The following TBC1D4 variants were observed in gnomAD, a reference collection of about 807,000 sequenced individuals.
The protein encoded by TBC1D4 is TBC (Tre-2, BUB2, CDC16) domain-containing protein.
A neutral mutation model predicts 142.5 loss-of-function variants in TBC1D4; 121 were observed. That is an observed-to-expected ratio of 0.85 (90% CI 0.73 to 0.99). The LOEUF (loss-of-function observed/expected upper bound fraction) is 0.99, where lower values mean the gene tolerates loss of function less well. Among genes scored for constraint, TBC1D4 ranks in the 50% least tolerant of loss-of-function variants. The probability of loss-of-function intolerance (pLI) is 0.00; values close to 1 mark genes in which losing one functional copy is unlikely to be tolerated. For synonymous variants in TBC1D4, 630 were observed against 628.2 expected, an observed-to-expected ratio of 1.00 and a Z score of -0.04; for missense variants, 1,475 against 1,606.6, an observed-to-expected ratio of 0.92 and a Z score of 1.40.
Position 75,334,273 on chromosome 13 carries a change from G to A in TBC1D4, c.1731+2648C>T, listed in dbSNP as rs569887043. Among the ~76,000 whole-genome samples the A allele has an allele frequency of 6.2e-4, 94 of 151,852 alleles. No homozygotes were observed. The South Asian group carries it at 0.019, about 30-fold the overall frequency. ...CAAGGTTTTTATGTCTTTATGACAC[G>A]TCACCATTTTTCTTTGAATATTTTC... On this transcript the variant is annotated intron_variant, in intron 8 of 20. Coordinates refer to ENST00000377636, the MANE Select transcript of TBC1D4 (RefSeq NM_014832.5).
intron 1 of TBC1D4, among the ~76,000 whole-genome samples, chr13:75,391,384 A>G (rs974130304): frequency 1.3e-5 from 2 of 152,072 alleles, no homozygotes; most frequent in African/African-American, 4.8e-5. Context: ...AACCCATATA[A>G]CATCAGGCAA....
chr13:75,364,375 T>C (rs191485226), intron 1 of TBC1D4, among the ~76,000 whole-genome samples: 190 of 152,342 alleles, frequency 1.2e-3, no homozygotes, highest in African/African-American at 4.3e-3. Flanking sequence ...TGTAATTATT[T>C]GGGATATACT....
intron 15 of TBC1D4, among the ~76,000 whole-genome samples, chr13:75,305,996 C>T (rs1007209390): frequency 6.6e-6 from 1 of 152,108 alleles, no homozygotes; most frequent in Non-Finnish European, 1.5e-5. Context: ...ATGAATACTT[C>T]TGACCAAATG....
intron 1 of TBC1D4, among the ~76,000 whole-genome samples, chr13:75,435,376 T>A (rs938163921): frequency 1.3e-5 from 2 of 149,786 alleles, no homozygotes; most frequent in Non-Finnish European, 1.5e-5. Context: ...AACTTTGATA[T>A]AAGTGACATA....
chr13:75,305,845 T>G (rs143100352), intron 15 of TBC1D4, among the ~76,000 whole-genome samples: 1 of 152,242 alleles, frequency 6.6e-6, no homozygotes, highest in African/African-American at 2.4e-5. Flanking sequence ...AATGGCTAAA[T>G]AAAAGCAACT....
At chr13:75,349,397 A>G in intron 4 of TBC1D4, 95 bp from the exon 5 acceptor site, 1 of 1,489,444 alleles carries the variant, frequency 6.7e-7, no homozygotes, top group Non-Finnish European at 9.1e-7. Flanking sequence ...GATGCTGACT[A>G]AATAAAAATA....
rs180878606 is a variant in TBC1D4, at chr13:75,325,455, A to G, written c.2033+742T>C. The stretch of plus-strand genomic sequence containing the variant: ...CCAACGAGCATCTTTACTTAACCCT[A>G]TTTTCCGTAACAAATTCATAGGTAA... On this transcript the variant is annotated intron_variant, in intron 10 of 20. Transcript: ENST00000377636. 1.1e-3 allele frequency among the ~76,000 whole-genome samples: 159 copies of G among 151,200 alleles called. 3 individuals are homozygous for G. Among genetic ancestry groups the G allele is most frequent in the African/African-American group, 3.8e-3 (155 of 41,242 alleles).
intron 8 of TBC1D4, among the ~76,000 whole-genome samples, chr13:75,330,629 C>A (rs1253801453): frequency 6.6e-6 from 1 of 152,198 alleles, no homozygotes; most frequent in African/African-American, 2.4e-5. Flanking sequence ...ACAGGAAGCA[C>A]AATTGTAAAG....
In TBC1D4 at chr13:75,286,772, C is replaced by G; in HGVS notation, c.*20G>C. 3 of 1,610,096 alleles carry G rather than the reference C, an allele frequency of 1.9e-6. No homozygotes were observed. The highest frequency in any genetic ancestry group is 2.5e-6 in the Non-Finnish European group (3 of 1,177,458). On this transcript the variant is annotated 3_prime_UTR_variant, in exon 21 of 21. Coordinates refer to ENST00000377636, the MANE Select transcript of TBC1D4 (RefSeq NM_014832.5). ...GTAGTATTCTAAGGAGCACTTTCTG[C>G]TGAGGCCGTGCCTCTTCAATTATGG... is the stretch of plus-strand genomic sequence containing the variant.
At chr13:75,460,984 C>T (rs998879728) in intron 1 of TBC1D4, among the ~76,000 whole-genome samples, 3 of 152,132 alleles carry the variant, frequency 2.0e-5, no homozygotes, top group Non-Finnish European at 4.4e-5. Flanking sequence ...CAAGTTTATT[C>T]CTTCAATGAC....
chr13:75,326,521 C>T lies in TBC1D4; in HGVS notation c.1807-98G>A, dbSNP rs987858874. The stretch of plus-strand genomic sequence containing the variant: ...AAAAGTGACAGTGTGCCTCATCTTC[C>T]TCCTGAGTCATGACAAAACTGTTTT... On this transcript the variant is annotated intron_variant, in intron 9 of 20. Coordinates refer to ENST00000377636, the MANE Select transcript of TBC1D4 (RefSeq NM_014832.5). 3.9e-6 allele frequency: 5 copies of T among 1,277,208 alleles called. No homozygotes were observed. In the African/African-American group the frequency reaches 5.9e-5, roughly 15 times the overall value. 79.1% of individuals were successfully genotyped at this position (1,277,208 alleles called of 1,614,324 possible).
At chr13:75,470,134 T>C (rs1888338609) in intron 1 of TBC1D4, among the ~76,000 whole-genome samples, 2 of 152,334 alleles carry the variant, frequency 1.3e-5, no homozygotes, top group South Asian at 4.1e-4. Context: ...TATTATTTTT[T>C]ACAAGATTGT....
chr13:75,477,399 A>C (rs1888666413), intron 1 of TBC1D4, among the ~76,000 whole-genome samples: 1 of 152,184 alleles, frequency 6.6e-6, no homozygotes, highest in Non-Finnish European at 1.5e-5. Flanking sequence ...TTAAGAACAC[A>C]ATTTGTAAAG....
chr13:75,393,469 C>T (rs775582292), intron 1 of TBC1D4, among the ~76,000 whole-genome samples: 5 of 152,182 alleles, frequency 3.3e-5, no homozygotes, highest in Admixed American at 2.6e-4. Context: ...TTGCCGCATT[C>T]GATCCACCAG....
intron 11 of TBC1D4, among the ~76,000 whole-genome samples, chr13:75,321,087 C>T (rs1878734412): frequency 6.6e-6 from 1 of 151,418 alleles, no homozygotes; most frequent in Non-Finnish European, 1.5e-5. Context: ...TCCTACCCTA[C>T]CCTATTCCCT....
At chr13:75,438,167 T>C (rs1217380482) in intron 1 of TBC1D4, among the ~76,000 whole-genome samples, 1 of 152,208 alleles carries the variant, frequency 6.6e-6, no homozygotes, top group Non-Finnish European at 1.5e-5. Flanking sequence ...TAGTCAAGCT[T>C]CCCTCTTGAA....
chr13:75,396,545 A>G (rs569524134), intron 1 of TBC1D4, among the ~76,000 whole-genome samples: 1 of 152,284 alleles, frequency 6.6e-6, no homozygotes, highest in South Asian at 2.1e-4. Context: ...GTGTCACAAT[A>G]ATGATTTCCT....
chr13:75,384,151 A>AGT (rs1328203041), intron 1 of TBC1D4, among the ~76,000 whole-genome samples: 1 of 152,194 alleles, frequency 6.6e-6, no homozygotes, highest in African/African-American at 2.4e-5. Flanking sequence ...GGCCAGGTGC[A>AGT]GTGGCTCACG....
intron 11 of TBC1D4, among the ~76,000 whole-genome samples, chr13:75,323,079 A>G (rs1878916697): frequency 6.6e-6 from 1 of 152,204 alleles, no homozygotes; most frequent in South Asian, 2.1e-4. Context: ...TTCAAGGATT[A>G]GTCTACTTTA....
Sources: gnomAD v4.1 joint callset for allele counts (sites outside exome capture counted in the v4.1 genomes callset) on GRCh38, gnomAD v4.1.1 for gene constraint, MANE v1.5 for transcripts, NCBI Gene and HGNC (gene_info 2026-07-23, HGNC 2026-07-21) for gene names.